The following ARMC2 variants were observed in gnomAD, a reference collection of about 807,000 sequenced individuals.
ARMC2 encodes the protein armadillo repeat-containing protein 2.
ARMC2 carries 67 observed loss-of-function variants against 90.3 expected under a neutral mutation model. That is an observed-to-expected ratio of 0.74 (90% CI 0.61 to 0.91). The LOEUF (loss-of-function observed/expected upper bound fraction) is 0.91, where lower values mean the gene tolerates loss of function less well. Ranked by LOEUF, ARMC2 falls within the 40% of genes least tolerant of loss-of-function variation. The pLI, the probability that ARMC2 is intolerant of heterozygous loss-of-function variation, is 0.00. For synonymous variants in ARMC2, 393 were observed against 393.0 expected (o/e 1.00, Z 0.00); for missense variants, 920 against 1,030.9 (o/e 0.89, Z 1.47).
intron 1 of ARMC2, among the ~76,000 whole-genome samples, chr6:108,853,437 A>G (rs1207423795): frequency 6.6e-6 from 1 of 152,166 alleles, no homozygotes; most frequent in African/African-American, 2.4e-5. Flanking sequence ...TGAAAAATTC[A>G]TAGATCTCTG....
chr6:108,972,995 A>G (rs1160674514), intron 17 of ARMC2, among the ~76,000 whole-genome samples: 2 of 152,132 alleles, frequency 1.3e-5, no homozygotes, highest in East Asian at 3.9e-4. Flanking sequence ...AATATTGCCC[A>G]TTTAAATTAA....
the ARMC2 span, among the ~76,000 whole-genome samples, chr6:109,008,120 A>T: frequency 6.6e-6 from 1 of 152,248 alleles, no homozygotes; most frequent in Non-Finnish European, 1.5e-5. Flanking sequence ...AACAATATGC[A>T]AGCCAAAATC....
intron 12 of ARMC2, among the ~76,000 whole-genome samples, chr6:108,950,438 C>T (rs969135353): frequency 4.6e-5 from 7 of 152,120 alleles, no homozygotes; most frequent in East Asian, 1.9e-4. Context: ...GAATACCATG[C>T]GGCCATAAAA....
intron 12 of ARMC2, 52 bp from the exon 13 acceptor site, chr6:108,952,981 G>T: frequency 1.4e-6 from 2 of 1,459,790 alleles, no homozygotes; most frequent in East Asian, 4.8e-5. Context: ...TCTTCCCCAC[G>T]ATGTGTTCCA....
At chr6:108,964,408 G>A in intron 16 of ARMC2, 96 bp downstream of exon 16, 1 of 1,406,440 alleles carries the variant, frequency 7.1e-7, no homozygotes, top group African/African-American at 1.4e-5. Flanking sequence ...GTGGGGCAAA[G>A]GTATTTCAAC....
chr6:108,932,516 C>CTTTTTTTTT lies in ARMC2; in HGVS notation c.1496+4302_1496+4310dup, dbSNP rs60000198. ...TAAACAGTGAGTCTTTTCTCCATTG[C>CTTTTTTTTT]TTTTTTTTTTTTTTTTTTTTTTTTT... On this transcript the variant is annotated intron_variant, in intron 11 of 17. Transcript: ENST00000392644. 2.9e-3 allele frequency among the ~76,000 whole-genome samples: 225 copies of CTTTTTTTTT among 77,910 alleles called. 17 individuals are homozygous for CTTTTTTTTT. Among genetic ancestry groups the CTTTTTTTTT allele is most frequent in the African/African-American group, 8.3e-3 (142 of 17,030 alleles). The allele number at this position is 77,910 out of a possible 152,430, so 51.1% of individuals were successfully genotyped here.
intron 6 of ARMC2, among the ~76,000 whole-genome samples, chr6:108,895,307 A>T (rs898986402): frequency 4.6e-5 from 7 of 150,788 alleles, no homozygotes; most frequent in East Asian, 2.0e-4. Context: ...TACCAAAAAA[A>T]AATAATAATA....
chr6:108,923,233 G>A (rs2252345), intron 10 of ARMC2, among the ~76,000 whole-genome samples: 111,050 of 152,076 alleles, frequency 0.73, 41,064 homozygotes, highest in Middle Eastern at 0.81. Context: ...TGGTTTGAAA[G>A]ATTATATACA....
the ARMC2 span, chr6:108,998,769 A>G: frequency 1.9e-6 from 3 of 1,592,384 alleles, no homozygotes; most frequent in East Asian, 2.2e-5. Context: ...AGGGGGAAAA[A>G]AAAAAAGAAT....
the ARMC2 span, among the ~76,000 whole-genome samples, chr6:109,008,240 T>C: frequency 1.3e-5 from 2 of 152,214 alleles, no homozygotes; most frequent in Non-Finnish European, 2.9e-5. Context: ...TATTCAAGCA[T>C]GATGATTGGG....
At chr6:109,014,925 A>C in the ARMC2 span, among the ~76,000 whole-genome samples, 1 of 152,162 alleles carries the variant, frequency 6.6e-6, no homozygotes, top group African/African-American at 2.4e-5. Context: ...TTATTTATTT[A>C]GTTTGTCTCA....
At chr6:109,009,605 C>T in the ARMC2 span, 4 of 1,031,454 alleles carry the variant, frequency 3.9e-6, no homozygotes, top group Non-Finnish European at 4.7e-6. Context: ...CCGCCCCGCG[C>T]CCGTCATTTC....
At chr6:108,951,027 G>A (rs1777142497) in intron 12 of ARMC2, among the ~76,000 whole-genome samples, 1 of 152,162 alleles carries the variant, frequency 6.6e-6, no homozygotes, top group Non-Finnish European at 1.5e-5. Flanking sequence ...AGAAATGCCC[G>A]AATCATTGCT....
At chr6:109,004,215 C>CT in the ARMC2 span, among the ~76,000 whole-genome samples, 2 of 152,050 alleles carry the variant, frequency 1.3e-5, no homozygotes, top group Non-Finnish European at 2.9e-5. Context: ...AGAAAACACT[C>CT]ATGGAGTGCA....
chr6:108,888,982 T>C (rs868596930), intron 5 of ARMC2, among the ~76,000 whole-genome samples: 9 of 152,278 alleles, frequency 5.9e-5, no homozygotes, highest in Non-Finnish European at 1.3e-4. Context: ...CAGCCCATAG[T>C]GTGGGTTGAG....
At chr6:108,933,357 G>A (rs138813224) in intron 11 of ARMC2, among the ~76,000 whole-genome samples, 21 of 151,954 alleles carry the variant, frequency 1.4e-4, no homozygotes, top group African/African-American at 5.1e-4. Flanking sequence ...TTTCTGATTC[G>A]GCTCTCTGCT....
chr6:108,875,647 G>T (rs77592599), intron 4 of ARMC2, among the ~76,000 whole-genome samples: 1 of 151,836 alleles, frequency 6.6e-6, no homozygotes, highest in Admixed American at 6.6e-5. Context: ...ATAACATGTC[G>T]TATACCTTAT....
downstream of ARMC2, among the ~76,000 whole-genome samples, chr6:108,979,313 T>C (rs532338791): frequency 6.6e-6 from 1 of 152,344 alleles, no homozygotes; most frequent in African/African-American, 2.4e-5. Flanking sequence ...GAATGTTGAA[T>C]ATTGGCCCCA....
At chr6:108,914,929 G>A (rs997954246) in intron 10 of ARMC2, among the ~76,000 whole-genome samples, 4 of 151,194 alleles carry the variant, frequency 2.6e-5, no homozygotes, top group Non-Finnish European at 5.9e-5. Flanking sequence ...TTGAGAACCT[G>A]GTAACTCCAG....
Sources: gnomAD v4.1 joint callset for allele counts (sites outside exome capture counted in the v4.1 genomes callset) on GRCh38, gnomAD v4.1.1 for gene constraint, MANE v1.5 for transcripts, NCBI Gene and HGNC (gene_info 2026-07-23, HGNC 2026-07-21) for gene names.